Variants in ADAMTS3 observed in about 807,000 individuals in gnomAD.
The protein encoded by ADAMTS3 is A disintegrin and metalloproteinase with thrombospondin motifs 3.
A neutral mutation model predicts 129.0 loss-of-function variants in ADAMTS3; 73 were observed. The ratio of observed to expected loss-of-function variants is 0.57; its 90% CI spans 0.47 to 0.69. The LOEUF (loss-of-function observed/expected upper bound fraction) is 0.69, where lower values mean the gene tolerates loss of function less well. Among genes scored for constraint, ADAMTS3 ranks in the 30% least tolerant of loss-of-function variants. The pLI is 0.00. For missense variants in ADAMTS3, 1,457 were observed against 1,514.5 expected (o/e 0.96, Z 0.63); for synonymous variants, 477 against 510.8 (o/e 0.93, Z 0.89).
chr4:72,563,471 A>G (rs1262853618), intron 2 of ADAMTS3, among the ~76,000 whole-genome samples: 1 of 152,186 alleles, frequency 6.6e-6, no homozygotes, highest in African/African-American at 2.4e-5. Context: ...GATGCCAGCA[A>G]TAGGGCAAAT....
At chr4:72,469,124 C>T (rs1461099767) in intron 3 of ADAMTS3, among the ~76,000 whole-genome samples, 1 of 152,048 alleles carries the variant, frequency 6.6e-6, no homozygotes, top group Non-Finnish European at 1.5e-5. Context: ...TGAATGAATA[C>T]AAAATTCTGT....
chr4:72,534,371 C>T (rs1447055259), intron 3 of ADAMTS3, among the ~76,000 whole-genome samples: 1 of 151,972 alleles, frequency 6.6e-6, no homozygotes, highest in Non-Finnish European at 1.5e-5. Context: ...CAGAAGGAAC[C>T]TCAAAAACTT....
intron 4 of ADAMTS3, among the ~76,000 whole-genome samples, chr4:72,354,014 C>T (rs1720512428): frequency 6.6e-6 from 1 of 151,882 alleles, no homozygotes; most frequent in African/African-American, 2.4e-5. Flanking sequence ...ATCACCTATT[C>T]ATATATTTTT....
intron 3 of ADAMTS3, among the ~76,000 whole-genome samples, chr4:72,459,664 C>T (rs1388579632): frequency 6.6e-6 from 1 of 151,450 alleles, no homozygotes; most frequent in Non-Finnish European, 1.5e-5. Flanking sequence ...CAATAGTTAG[C>T]ATTCTAATAT....
intron 3 of ADAMTS3, among the ~76,000 whole-genome samples, chr4:72,491,432 G>T (rs533862579): frequency 6.6e-6 from 1 of 151,760 alleles, no homozygotes; most frequent in East Asian, 1.9e-4. Flanking sequence ...AGAGGTATGG[G>T]TTTTTCATAT....
At chr4:72,491,163 A>AT (rs780682670) in intron 3 of ADAMTS3, among the ~76,000 whole-genome samples, 4 of 151,668 alleles carry the variant, frequency 2.6e-5, no homozygotes, top group Non-Finnish European at 5.9e-5. Context: ...TGTTCTGTTG[A>AT]TTTTTTATTA....
At chr4:72,325,642 C>T (rs1238213282) in intron 5 of ADAMTS3, among the ~76,000 whole-genome samples, 1 of 151,948 alleles carries the variant, frequency 6.6e-6, no homozygotes, top group Non-Finnish European at 1.5e-5. Context: ...AACAATAAAA[C>T]AAAACTAAAG....
At chr4:72,329,924 A>C (rs898788093) in intron 5 of ADAMTS3, among the ~76,000 whole-genome samples, 10 of 151,918 alleles carry the variant, frequency 6.6e-5, no homozygotes, top group African/African-American at 2.4e-4. Flanking sequence ...TTGTTTTTTG[A>C]CTGTTCTCCT....
intron 3 of ADAMTS3, among the ~76,000 whole-genome samples, chr4:72,494,119 T>A (rs781683085): frequency 8.5e-5 from 13 of 152,182 alleles, no homozygotes; most frequent in Non-Finnish European, 4.4e-5. Flanking sequence ...AATTTCCCGC[T>A]CAAGATTTGG....
chr4:72,557,331 A>C (rs557755560), intron 2 of ADAMTS3, among the ~76,000 whole-genome samples: 1 of 151,910 alleles, frequency 6.6e-6, no homozygotes, highest in South Asian at 2.1e-4. Flanking sequence ...CAAAGGGCTC[A>C]GCAAAGCCGT....
At chr4:72,510,790 A>G (rs1205430556) in intron 3 of ADAMTS3, among the ~76,000 whole-genome samples, 2 of 149,160 alleles carry the variant, frequency 1.3e-5, no homozygotes, top group African/African-American at 4.9e-5. Flanking sequence ...ACCACAAAAG[A>G]CCTGGAATAG....
At chr4:72,493,597 T>A (rs1719801201) in intron 3 of ADAMTS3, among the ~76,000 whole-genome samples, 1 of 152,084 alleles carries the variant, frequency 6.6e-6, no homozygotes, top group African/African-American at 2.4e-5. Context: ...TTAATGTATG[T>A]GTTAATATTA....
intron 4 of ADAMTS3, among the ~76,000 whole-genome samples, chr4:72,340,654 A>G (rs1720112706): frequency 6.6e-6 from 1 of 152,136 alleles, no homozygotes; most frequent in Non-Finnish European, 1.5e-5. Flanking sequence ...TCATACACAC[A>G]TACACACACA....
intron 2 of ADAMTS3, among the ~76,000 whole-genome samples, chr4:72,551,868 A>G (rs984273004): frequency 6.6e-6 from 1 of 152,176 alleles, no homozygotes; most frequent in Non-Finnish European, 1.5e-5. Flanking sequence ...GTCAAAGTCT[A>G]ATTTAAGATC....
chr4:72,366,335 C>T (rs1346518761), intron 4 of ADAMTS3, among the ~76,000 whole-genome samples: 2 of 152,148 alleles, frequency 1.3e-5, no homozygotes, highest in African/African-American at 4.8e-5. Context: ...TTCATTATCT[C>T]GCTATTCACT....
At chr4:72,418,949 T>A (rs1722376603) in intron 3 of ADAMTS3, among the ~76,000 whole-genome samples, 1 of 152,186 alleles carries the variant, frequency 6.6e-6, no homozygotes, top group Admixed American at 6.5e-5. Context: ...CTTTTTCTAT[T>A]TCCAAGGTCC....
chr4:72,388,630 C>A (rs974187400), intron 4 of ADAMTS3, among the ~76,000 whole-genome samples: 1 of 152,170 alleles, frequency 6.6e-6, no homozygotes, highest in Non-Finnish European at 1.5e-5. Context: ...CAAGTCATAG[C>A]GTTTGGGGGA....
chr4:72,433,810 T>A (rs1449327184), intron 3 of ADAMTS3, among the ~76,000 whole-genome samples: 2 of 151,922 alleles, frequency 1.3e-5, no homozygotes, highest in African/African-American at 4.8e-5. Flanking sequence ...GTGCTTTCTG[T>A]TACATATGCT....
At chr4:72,304,107 C>A in intron 16 of ADAMTS3, 27 bp from the exon 17 acceptor site, 1 of 1,604,174 alleles carries the variant, frequency 6.2e-7, no homozygotes, top group African/African-American at 1.3e-5. Context: ...GAGTAACCAG[C>A]ATACATTTTA....
Sources: gnomAD v4.1 joint callset for allele counts (sites outside exome capture counted in the v4.1 genomes callset) on GRCh38, gnomAD v4.1.1 for gene constraint, MANE v1.5 for transcripts, NCBI Gene and HGNC (gene_info 2026-07-23, HGNC 2026-07-21) for gene names.